FGF1: variants seen among roughly 807,000 people sequenced by gnomAD.
The protein encoded by FGF1 is beta-endothelial cell growth factor.
A neutral mutation model predicts 13.4 loss-of-function variants in FGF1; 9 were observed. That is an observed-to-expected ratio of 0.67 (90% CI 0.40 to 1.17). FGF1 has a LOEUF of 1.17. FGF1 is among the 50% of genes most tolerant of loss of function. FGF1 has a pLI of 0.01. For missense variants in FGF1, 156 were observed against 192.7 expected (o/e 0.81, Z 1.13); for synonymous variants, 93 against 79.0 (o/e 1.18, Z -0.94).
chr5:142,694,504 G>A (rs1752792966), intron 2 of FGF1, among the ~76,000 whole-genome samples: 1 of 152,178 alleles, frequency 6.6e-6, no homozygotes, highest in African/African-American at 2.4e-5. Context: ...TGCATCAGCC[G>A]AGTCCAGTGG....
chr5:142,623,068 A>C (rs777676789), intron 1 of FGF1, among the ~76,000 whole-genome samples: 1 of 152,262 alleles, frequency 6.6e-6, no homozygotes, highest in Admixed American at 6.5e-5. Flanking sequence ...GAGTATTTAT[A>C]TCATAGAAAT....
chr5:142,616,796 T>G (rs542491623), intron 1 of FGF1, among the ~76,000 whole-genome samples: 1 of 152,310 alleles, frequency 6.6e-6, no homozygotes, highest in East Asian at 1.9e-4. Flanking sequence ...CACCTCTCTA[T>G]TAGCACTCAA....
At chr5:142,678,384 TC>T (rs1383048398) in intron 1 of FGF1, among the ~76,000 whole-genome samples, 1 of 152,054 alleles carries the variant, frequency 6.6e-6, no homozygotes, top group East Asian at 1.9e-4. Context: ...GCTGAGAAGC[TC>T]CCCAGTGATG....
chr5:142,624,478 C>T (rs77294344), intron 1 of FGF1, among the ~76,000 whole-genome samples: 221 of 152,358 alleles, frequency 1.5e-3, no homozygotes, highest in African/African-American at 5.0e-3. Flanking sequence ...TGCTTAGGTG[C>T]TCAACATGAC....
At chr5:142,618,345 T>C (rs1324327956) in intron 1 of FGF1, among the ~76,000 whole-genome samples, 2 of 152,172 alleles carry the variant, frequency 1.3e-5, no homozygotes, top group African/African-American at 4.8e-5. Context: ...AGCAACCACT[T>C]TGGCTCTGGG....
At chr5:142,675,629 C>T (rs1004538561) in intron 1 of FGF1, among the ~76,000 whole-genome samples, 5 of 152,178 alleles carry the variant, frequency 3.3e-5, no homozygotes, top group Admixed American at 1.3e-4. Context: ...CCTCCACCAC[C>T]GTCCGTCCGC....
intron 3 of FGF1, among the ~76,000 whole-genome samples, chr5:142,595,835 C>G (rs1366499671): frequency 1.3e-5 from 2 of 152,208 alleles, no homozygotes; most frequent in Non-Finnish European, 2.9e-5. Flanking sequence ...CTGTAAGTAC[C>G]TTGAGGGCAG....
At chr5:142,619,594 G>A (rs1044835966) in intron 1 of FGF1, among the ~76,000 whole-genome samples, 1 of 152,180 alleles carries the variant, frequency 6.6e-6, no homozygotes, top group Non-Finnish European at 1.5e-5. Context: ...TAGGCGTAAG[G>A]GGGATAAGGT....
At chr5:142,693,540 C>T (rs1201975763) in intron 2 of FGF1, among the ~76,000 whole-genome samples, 1 of 152,168 alleles carries the variant, frequency 6.6e-6, no homozygotes, top group Non-Finnish European at 1.5e-5. Flanking sequence ...TTGAGATATA[C>T]TTCACATACT....
rs1773563603 is a variant in FGF1, at chr5:142,680,759, A to T, written c.-35+5198T>A. 3.3e-5 allele frequency: 5 copies of T among 152,350 alleles called. No individual in the cohort carries two copies. The South Asian group carries it at 1.0e-3, about 32-fold the overall frequency. The allele number at this position is 152,350 out of a possible 1,614,324, so 9.4% of individuals were successfully genotyped here. On this transcript the variant is annotated intron_variant, in intron 1 of 3. Coordinates refer to ENST00000337706, the MANE Select transcript of FGF1 (RefSeq NM_000800.5). ...GACAAAGAAGAGGGTAATTGCCATGACTGAGTCCACACAACTCTGTGTTCC... is the reference window on the plus strand; with the variant it reads ...GACAAAGAAGAGGGTAATTGCCATGTCTGAGTCCACACAACTCTGTGTTCC...
At chr5:142,655,038 C>T (rs1235045950) in intron 1 of FGF1, among the ~76,000 whole-genome samples, 3 of 152,218 alleles carry the variant, frequency 2.0e-5, no homozygotes, top group East Asian at 1.9e-4. Context: ...AAACTGTTTT[C>T]GTTTATGCTG....
At chr5:142,601,187 T>G in intron 2 of FGF1, 1 of 485,900 alleles carries the variant, frequency 2.1e-6, no homozygotes, top group Admixed American at 2.1e-5. Flanking sequence ...CCTGCAATCT[T>G]GGGATGCCAT....
chr5:142,644,662 T>G (rs1384829400), intron 1 of FGF1, among the ~76,000 whole-genome samples: 4 of 152,212 alleles, frequency 2.6e-5, no homozygotes, highest in African/African-American at 7.2e-5. Context: ...TCCCTGAGCA[T>G]GCATGTCATA....
At chr5:142,697,781 G>A (rs988720500) in intron 1 of FGF1, 1 of 152,198 alleles carries the variant, frequency 6.6e-6, no homozygotes, top group African/African-American at 2.4e-5. Context: ...AGGAGGCGAT[G>A]CCCTGATTCC....
At position 142,592,565 on chromosome 5, in the gene FGF1, T is replaced by C. The variant is rs531884306; in HGVS notation, c.*2725A>G. On this transcript the variant is annotated 3_prime_UTR_variant, in exon 4 of 4. Transcript: ENST00000337706. ...AAAATGAATCCATATGAGAGTCACG[T>C]GACAGGAGCTGGCTATGAGACTTAC... The C allele has an allele frequency of 1.3e-5, 5 of 397,100 alleles. No homozygotes were observed. The highest frequency in any genetic ancestry group is 1.8e-5 in the Non-Finnish European group (4 of 225,496). 24.6% of individuals were successfully genotyped at this position (397,100 alleles called of 1,614,324 possible). A position where few individuals can be genotyped will look rare whatever the true frequency, so the allele number is the denominator to read the frequency against.
At chr5:142,682,014 C>A (rs1219310137) in intron 1 of FGF1, among the ~76,000 whole-genome samples, 1 of 152,102 alleles carries the variant, frequency 6.6e-6, no homozygotes, top group Non-Finnish European at 1.5e-5. Context: ...AGCAGTGGCA[C>A]CAGGGGTCAC....
At chr5:142,647,569 C>A (rs995207016) in intron 1 of FGF1, among the ~76,000 whole-genome samples, 2 of 152,214 alleles carry the variant, frequency 1.3e-5, no homozygotes, top group African/African-American at 4.8e-5. Context: ...TGGTAGACCA[C>A]TCCACTCCTA....
chr5:142,602,077 G>T (rs1756679247), intron 2 of FGF1, among the ~76,000 whole-genome samples: 1 of 152,184 alleles, frequency 6.6e-6, no homozygotes. Flanking sequence ...CATCTCTGAG[G>T]TTCATCTTGG....
In FGF1 at chr5:142,619,441, G is replaced by A. The variant is rs1597156413; in HGVS notation, c.-34-5280C>T. On this transcript the variant is annotated intron_variant, in intron 1 of 3. Coordinates refer to ENST00000337706, the MANE Select transcript of FGF1 (RefSeq NM_000800.5). ...TATGCTCTAAGTCCTTGCTGCCTGTGGCTATGAATGGCATCACCCAAAATC... is the reference window on the plus strand; with the variant it reads ...TATGCTCTAAGTCCTTGCTGCCTGTAGCTATGAATGGCATCACCCAAAATC... 2.6e-5 allele frequency among the ~76,000 whole-genome samples: 4 copies of A among 152,228 alleles called. No individual in the cohort carries two copies. In the South Asian group the frequency reaches 8.3e-4, roughly 32 times the overall value.
Sources: allele counts gnomAD v4.1 joint callset (sites outside exome capture counted in the v4.1 genomes callset), GRCh38; gene constraint gnomAD v4.1.1; transcripts MANE v1.5; gene names NCBI Gene and HGNC (gene_info 2026-07-23, HGNC 2026-07-21).